The following CLEC4F variants were observed in gnomAD, a reference collection of about 807,000 sequenced individuals.
CLEC4F encodes the protein C-type lectin domain family 4 member F.
Under a neutral mutation model 53.4 loss-of-function variants are expected in CLEC4F, and 45 were observed. The ratio of observed to expected loss-of-function variants is 0.84; its 90% CI spans 0.66 to 1.08. The LOEUF is 1.08. Ranked by LOEUF, CLEC4F falls within the 50% of genes least tolerant of loss-of-function variation. CLEC4F has a pLI of 0.00. For synonymous variants in CLEC4F, 245 were observed against 257.5 expected (o/e 0.95, Z 0.46); for missense variants, 753 against 698.2 (o/e 1.08, Z -0.88).
intron 5 of CLEC4F, among the ~76,000 whole-genome samples, chr2:70,810,619 A>G (rs1441590082): frequency 5.0e-5 from 3 of 59,780 alleles, no homozygotes; most frequent in African/African-American, 1.9e-4. Flanking sequence ...ACTCTGTCGC[A>G]AAAAAAAAAA....
At chr2:70,823,979 G>A (rs536594766), upstream of CLEC4F, among the ~76,000 whole-genome samples, 445 of 146,808 alleles carry the variant, frequency 3.0e-3, 3 homozygotes, top group Middle Eastern at 0.011. Context: ...GCAGTGAGCC[G>A]AGATTGTGCC....
chr2:70,820,755 A>G (rs530256974), upstream of CLEC4F, among the ~76,000 whole-genome samples: 122 of 152,120 alleles, frequency 8.0e-4, no homozygotes, highest in African/African-American at 2.8e-3. Context: ...TCTTCCCATT[A>G]GCACCTTCCC....
rs146366027 is a variant in CLEC4F, at chr2:70,816,269, G to A, written c.1112C>T (p.Thr371Ile). The A allele has an allele frequency of 6.2e-7, 1 of 1,614,056 alleles. No individual in the cohort carries two copies. The highest frequency in any genetic ancestry group is 8.5e-7 in the Non-Finnish European group (1 of 1,180,026). ...TAAGACCTGAATCTGGGCATTTAAG[G>A]TATTCACATTTTCCATCTCTGACTT... ...VFKSEMENVN[T>I]LNAQIQVLNG... is the part of the protein sequence containing the mutation. Residue 371 changes from threonine to isoleucine, a missense_variant, in exon 4 of 7, where the codon ACC becomes ATC. Transcript: ENST00000272367.
At chr2:70,820,627 A>G (rs1677187533), upstream of CLEC4F, 1 of 1,154,054 alleles carries the variant, frequency 8.7e-7, no homozygotes, top group Admixed American at 2.3e-5. Flanking sequence ...ACCCACACTT[A>G]TATGCTCCTG....
Position 70,809,675 on chromosome 2 carries a change from C to G in CLEC4F, c.1658+64G>C, listed in dbSNP as rs1676438872. The G allele has an allele frequency of 2.5e-6, 3 of 1,220,288 alleles. No individual in the cohort carries two copies. In the South Asian group the frequency reaches 3.6e-5, roughly 15 times the overall value. The allele number at this position is 1,220,288 out of a possible 1,614,324, so 75.6% of individuals were successfully genotyped here. On this transcript the variant is annotated intron_variant, in intron 6 of 6. Coordinates refer to ENST00000272367, the MANE Select transcript of CLEC4F (RefSeq NM_173535.3). ...CTACCACTTACTGGGAAGGGACACA[C>G]AGTGTGTAGCTAGGTCCACCAAAGA...
rs1404853657 is a variant in CLEC4F at position 70,813,523 on chromosome 2, CTTTCTT to C, written c.1388-931_1388-926del. The stretch of plus-strand genomic sequence containing the variant: ...CTTTCTTTCTTTCTTTTCTTTCTTT[CTTTCTT>C]TCTTTCTTTTTTTCTTTCTTTCTTT... On this transcript the variant is annotated intron_variant, in intron 4 of 6. Transcript: ENST00000272367. Among the ~76,000 whole-genome samples, 13 of 150,250 alleles carry C rather than the reference CTTTCTT, an allele frequency of 8.7e-5. No homozygotes were observed. In the South Asian group the frequency reaches 2.5e-3, roughly 29 times the overall value.
intron 5 of CLEC4F, 86 bp from the exon 6 acceptor site, chr2:70,809,943 C>T (rs1308236289): frequency 7.4e-6 from 6 of 811,650 alleles, no homozygotes; most frequent in African/African-American, 1.7e-5. Context: ...TATAGATATA[C>T]ACATAATTAT....
At chr2:70,814,255 A>G (rs1330460669) in intron 4 of CLEC4F, among the ~76,000 whole-genome samples, 3 of 152,130 alleles carry the variant, frequency 2.0e-5, no homozygotes, top group African/African-American at 7.2e-5. Context: ...AGGTTTTGAG[A>G]AGGATGGTAA....
chr2:70,824,400 T>C (rs1553398568), upstream of CLEC4F, among the ~76,000 whole-genome samples: 1 of 151,628 alleles, frequency 6.6e-6, no homozygotes, highest in Admixed American at 6.6e-5. Flanking sequence ...AAAAATTAGA[T>C]GTACACACAA....
intron 3 of CLEC4F, among the ~76,000 whole-genome samples, chr2:70,817,871 C>G (rs1021509083): frequency 6.6e-6 from 1 of 152,158 alleles, no homozygotes; most frequent in East Asian, 1.9e-4. Flanking sequence ...ATACAGGAAA[C>G]CTGAGTAAAA....
intron 5 of CLEC4F, chr2:70,810,682 C>T (rs1448639843): frequency 4.6e-6 from 1 of 216,274 alleles, no homozygotes; most frequent in Non-Finnish European, 9.4e-6. Flanking sequence ...ATACAAAAAC[C>T]TATACTAAAC....
At chr2:70,812,393 G>T in intron 5 of CLEC4F, 54 bp downstream of exon 5, 1 of 1,595,134 alleles carries the variant, frequency 6.3e-7, no homozygotes, top group Non-Finnish European at 8.5e-7. Context: ...AAACACCAAA[G>T]TCCCTTATTC....
chr2:70,820,475 G>T lies in CLEC4F; in HGVS notation c.49C>A (p.Leu17Met). Residue 17 changes from leucine to methionine, a missense_variant, in exon 1 of 7, where the codon CTG (leucine) becomes ATG (methionine). By Grantham distance (15) the Leu-to-Met change is conservative. Coordinates refer to ENST00000272367, the MANE Select transcript of CLEC4F (RefSeq NM_173535.3). The stretch of plus-strand genomic sequence containing the variant: ...CCAGTTTTCTCACCTTGGGGGTGCA[G>T]GGAGACACACTGGTTATCTGTGCAG... ...RFCTDNQCVS[L>M]HPQEVDSVAM... 6.3e-7 allele frequency: 1 copy of T among 1,587,882 alleles called. No individual in the cohort carries two copies. Among genetic ancestry groups the T allele is most frequent in the Non-Finnish European group, 8.6e-7 (1 of 1,165,008 alleles).
chr2:70,818,778 GC>G (rs1677066997), intron 3 of CLEC4F, among the ~76,000 whole-genome samples: 1 of 151,206 alleles, frequency 6.6e-6, no homozygotes, highest in Non-Finnish European at 1.5e-5. Context: ...CATCTTTGTA[GC>G]CTTGGATTAG....
In CLEC4F at chr2:70,815,988, A is replaced by C. The variant is rs1358729930; in HGVS notation, c.1387+6T>G. On this transcript the variant is annotated splice_donor_region_variant and intron_variant, in intron 4 of 6. Transcript: ENST00000272367. ...TCCCCAAACGCGACTCCCCTCTCCC[A>C]CTTACTTTGGGTTCTTTGTAGCTGT... The C allele has an allele frequency of 6.2e-7, 1 of 1,609,736 alleles. No individual in the cohort carries two copies. Among genetic ancestry groups the C allele is most frequent in the Non-Finnish European group, 8.5e-7 (1 of 1,177,278 alleles).
upstream of CLEC4F, among the ~76,000 whole-genome samples, chr2:70,821,844 C>T (rs182261592): frequency 6.6e-6 from 1 of 152,286 alleles, no homozygotes; most frequent in East Asian, 1.9e-4. Flanking sequence ...TCAGCCCCAA[C>T]ATCCCAGCCT....
chr2:70,815,765 G>T (rs1170058585), intron 4 of CLEC4F, among the ~76,000 whole-genome samples: 1 of 152,162 alleles, frequency 6.6e-6, no homozygotes, highest in Non-Finnish European at 1.5e-5. Flanking sequence ...ACCATTTACA[G>T]TTGGTTTCCC....
rs782797954 is a variant in CLEC4F, at chr2:70,816,050, C to A, written c.1331G>T (p.Arg444Leu). 53 of 1,614,068 alleles carry A rather than the reference C, an allele frequency of 3.3e-5. No homozygotes were observed. The East Asian group carries it at 5.3e-4, about 16-fold the overall frequency. Residue 444 changes from arginine to leucine, a missense_variant, in exon 4 of 7, where the codon CGC becomes CTC. By Grantham distance (102) the Arg-to-Leu change is moderately radical (BLOSUM62 -2). Transcript: ENST00000272367. Reference sequence around the variant, plus strand: ...AATGACCACATGGAGGGTCTTCAGGCGACTCTGCTCCTGCTGGATTTCCAT... The same window carrying A: ...AATGACCACATGGAGGGTCTTCAGGAGACTCTGCTCCTGCTGGATTTCCAT... ...LTMEIQQEQSRLKTLHVVITS... is the reference protein window; with the variant it reads ...LTMEIQQEQSLLKTLHVVITS...
chr2:70,809,300 G>C lies in CLEC4F; in HGVS notation c.1741C>G (p.Pro581Ala), dbSNP rs201376656. ...TTACTGAGGATCCAGGGACAGGGAG[G>C]GGTGTCTATGAAGCTGCAAGCTCCC... ...GMGACSFIDT[P>A]PCPWILSN Residue 581 changes from proline (P) to alanine (A), a missense_variant, in exon 7 of 7, where the codon CCT (proline) becomes GCT (alanine). Coordinates refer to ENST00000272367, the MANE Select transcript of CLEC4F (RefSeq NM_173535.3). 8.4e-5 allele frequency: 135 copies of C among 1,613,992 alleles called. No homozygotes were observed. The highest frequency in any genetic ancestry group is 1.4e-4 in the South Asian group (13 of 91,038).
Sources: allele counts gnomAD v4.1 joint callset (sites outside exome capture counted in the v4.1 genomes callset), GRCh38; gene constraint gnomAD v4.1.1; transcripts MANE v1.5; gene names NCBI Gene and HGNC (gene_info 2026-07-23, HGNC 2026-07-21).